The following KHDRBS2 variants were observed in gnomAD, a reference collection of about 807,000 sequenced individuals.
KHDRBS2 encodes the protein KH RNA binding domain containing, signal transduction associated 2, also known as KH domain-containing, RNA-binding, signal transduction-associated protein 2.
Under a neutral mutation model 44.3 loss-of-function variants are expected in KHDRBS2, and 26 were observed. The ratio of observed to expected loss-of-function variants is 0.59; its 90% CI spans 0.43 to 0.81. The LOEUF is 0.81. KHDRBS2 is among the 40% of genes least tolerant of loss of function. The probability of loss-of-function intolerance (pLI) is 0.00; values close to 1 mark genes in which losing one functional copy is unlikely to be tolerated. For missense variants in KHDRBS2, 476 were observed against 433.1 expected (o/e 1.10, Z -0.88); for synonymous variants, 194 against 151.1 (o/e 1.28, Z -2.08).
intron 6 of KHDRBS2, among the ~76,000 whole-genome samples, chr6:61,891,294 T>C (rs902396734): frequency 6.6e-6 from 1 of 152,206 alleles, no homozygotes; most frequent in Non-Finnish European, 1.5e-5. Flanking sequence ...CAGAAGACCA[T>C]GGTGGATAAG....
At chr6:62,041,927 A>C (rs1404722610) in intron 3 of KHDRBS2, among the ~76,000 whole-genome samples, 1 of 152,032 alleles carries the variant, frequency 6.6e-6, no homozygotes, top group Non-Finnish European at 1.5e-5. Context: ...CTGAATGATA[A>C]ATTATTCATA....
intron 2 of KHDRBS2, among the ~76,000 whole-genome samples, chr6:62,122,092 C>T (rs1807797697): frequency 1.3e-5 from 2 of 152,064 alleles, no homozygotes; most frequent in South Asian, 2.1e-4. Context: ...GGGTCCAGAA[C>T]AGAAGAAGGC....
chr6:61,955,319 T>A (rs1474391377), intron 4 of KHDRBS2, among the ~76,000 whole-genome samples: 1 of 142,822 alleles, frequency 7.0e-6, no homozygotes, highest in Non-Finnish European at 1.6e-5. Context: ...TGTATACATA[T>A]ACGTGTATAT....
the KHDRBS2 span, chr6:61,630,088 T>C: frequency 6.6e-6 from 1 of 152,210 alleles, no homozygotes; most frequent in Non-Finnish European, 1.5e-5. Flanking sequence ...AGCAAAACTA[T>C]GTGCTGATAT....
chr6:62,172,498 C>T (rs544594988), intron 2 of KHDRBS2, among the ~76,000 whole-genome samples: 2 of 151,982 alleles, frequency 1.3e-5, no homozygotes, highest in Non-Finnish European at 2.9e-5. Context: ...GACTCCAACA[C>T]ACCACTGACA....
chr6:61,968,326 C>T (rs1360554833), intron 4 of KHDRBS2, among the ~76,000 whole-genome samples: 4 of 151,928 alleles, frequency 2.6e-5, no homozygotes, highest in Admixed American at 1.3e-4. Context: ...ATAATTCCAA[C>T]ATATGATATG....
intron 2 of KHDRBS2, among the ~76,000 whole-genome samples, chr6:62,078,064 T>A (rs770625549): frequency 6.6e-6 from 1 of 152,086 alleles, no homozygotes; most frequent in Non-Finnish European, 1.5e-5. Flanking sequence ...CAAAGCAATT[T>A]AATAAATGTT....
intron 7 of KHDRBS2, among the ~76,000 whole-genome samples, chr6:61,731,950 C>T (rs941361842): frequency 6.6e-6 from 1 of 152,000 alleles, no homozygotes; most frequent in Non-Finnish European, 1.5e-5. Flanking sequence ...TAACAAAAAA[C>T]AGATAGTTGG....
chr6:62,083,324 T>A (rs1797775747), intron 2 of KHDRBS2, among the ~76,000 whole-genome samples: 1 of 152,054 alleles, frequency 6.6e-6, no homozygotes, highest in African/African-American at 2.4e-5. Flanking sequence ...AAAACCACCG[T>A]CCTACTCCAT....
At chr6:61,543,134 C>T in the KHDRBS2 span, among the ~76,000 whole-genome samples, 1 of 151,892 alleles carries the variant, frequency 6.6e-6, no homozygotes, top group Non-Finnish European at 1.5e-5. Context: ...TGTTAAAAAC[C>T]TTCTGCACAG....
At chr6:61,957,511 G>T (rs1767654834) in intron 4 of KHDRBS2, among the ~76,000 whole-genome samples, 1 of 151,982 alleles carries the variant, frequency 6.6e-6, no homozygotes, top group Admixed American at 6.6e-5. Context: ...CTGCTTTGGG[G>T]GTGGCTGTCT....
At chr6:61,813,325 T>C (rs1343264913) in intron 6 of KHDRBS2, among the ~76,000 whole-genome samples, 1 of 152,146 alleles carries the variant, frequency 6.6e-6, no homozygotes, top group Admixed American at 6.5e-5. Context: ...AGAATTATTC[T>C]TGATATTATA....
In KHDRBS2 at chr6:61,726,621, A is replaced by G. The variant is rs548160770; in HGVS notation, c.893+6061T>C. On this transcript the variant is annotated intron_variant, in intron 7 of 8. Transcript: ENST00000281156. ...GCAAAAATCGCTAGCATTCCTATACATCAACAATAGACAAGCAGAGAGCCA... is the reference window on the plus strand; with the variant it reads ...GCAAAAATCGCTAGCATTCCTATACGTCAACAATAGACAAGCAGAGAGCCA... Among the ~76,000 whole-genome samples the G allele has an allele frequency of 2.6e-5, 4 of 152,256 alleles. No homozygotes were observed. The South Asian group carries it at 8.3e-4, about 32-fold the overall frequency.
intron 1 of KHDRBS2, among the ~76,000 whole-genome samples, chr6:62,189,352 TTTA>T (rs1270786916): frequency 6.6e-6 from 1 of 151,692 alleles, no homozygotes; most frequent in African/African-American, 2.4e-5. Flanking sequence ...TTTATTTTAT[TTTA>T]TTATTATTAT....
At chr6:62,073,322 C>G (rs1795623099) in intron 2 of KHDRBS2, among the ~76,000 whole-genome samples, 1 of 151,490 alleles carries the variant, frequency 6.6e-6, no homozygotes, top group Non-Finnish European at 1.5e-5. Flanking sequence ...TTCATCTCAT[C>G]TACATTATTT....
At chr6:62,208,683 T>C (rs1828473987) in intron 1 of KHDRBS2, among the ~76,000 whole-genome samples, 1 of 152,176 alleles carries the variant, frequency 6.6e-6, no homozygotes, top group Non-Finnish European at 1.5e-5. Flanking sequence ...GCTGTGCCAG[T>C]TTACATTCCT....
chr6:62,069,799 T>A (rs1794564082), intron 2 of KHDRBS2, among the ~76,000 whole-genome samples: 1 of 151,828 alleles, frequency 6.6e-6, no homozygotes, highest in South Asian at 2.1e-4. Flanking sequence ...TATGTTTGTT[T>A]ATATTTCTCT....
chr6:61,544,761 T>G, the KHDRBS2 span, among the ~76,000 whole-genome samples: 2 of 152,234 alleles, frequency 1.3e-5, no homozygotes, highest in East Asian at 3.9e-4. Flanking sequence ...TAAAAAATGA[T>G]GAGTTTGTGT....
chr6:62,222,707 A>G (rs530301728), intron 1 of KHDRBS2, among the ~76,000 whole-genome samples: 16 of 152,302 alleles, frequency 1.1e-4, no homozygotes, highest in African/African-American at 3.9e-4. Flanking sequence ...TTGCTGTTCT[A>G]AATAAGAGAA....
Sources: gnomAD v4.1 joint callset for allele counts (sites outside exome capture counted in the v4.1 genomes callset) on GRCh38, gnomAD v4.1.1 for gene constraint, MANE v1.5 for transcripts, NCBI Gene and HGNC (gene_info 2026-07-23, HGNC 2026-07-21) for gene names.